Variants in RBAK observed in about 807,000 individuals in gnomAD.
RBAK encodes the protein RB associated KRAB zinc finger, also known as RB-associated KRAB zinc finger protein.
RBAK carries 39 observed loss-of-function variants against 65.8 expected under a neutral mutation model. The ratio of observed to expected loss-of-function variants is 0.59; its 90% CI spans 0.46 to 0.77. RBAK has a LOEUF of 0.77. Ranked by LOEUF, RBAK falls within the 30% of genes least tolerant of loss-of-function variation. The pLI, the probability that RBAK is intolerant of heterozygous loss-of-function variation, is 0.00. For synonymous variants in RBAK, 343 were observed against 289.7 expected (o/e 1.18, Z -1.87); for missense variants, 884 against 855.1 (o/e 1.03, Z -0.42).
rs1219789081 is a variant in RBAK at position 5,064,542 on chromosome 7, G to T, written c.1086G>T (p.Leu362=). ...KTFCQKTHLT[L]HQRNHSGERP... ...TCTGCCAAAAGACACATCTCACCCT[G>T]CACCAGAGGAATCATTCAGGAGAGA... The change falls in exon 5 of 5, where the codon CTG becomes CTT. Residue 362 remains leucine (L), a synonymous_variant. Coordinates refer to ENST00000396912, the MANE Select transcript of RBAK (RefSeq NM_021163.4). This position sits in a 1 kb window ranked among gnomAD's most constrained non-coding sequence, Gnocchi z 6.3. 6.2e-6 allele frequency: 10 copies of T among 1,613,582 alleles called. No homozygotes were observed. In the Admixed American group the frequency reaches 1.5e-4, roughly 24 times the overall value.
At chr7:5,061,498 C>T (rs1321518172) in intron 4 of RBAK, among the ~76,000 whole-genome samples, 1 of 148,856 alleles carries the variant, frequency 6.7e-6, no homozygotes, top group African/African-American at 2.5e-5. Context: ...TGCATGTTGC[C>T]CAGGCTGGTC....
At position 5,048,903 on chromosome 7, in the gene RBAK, A is replaced by G. The variant is rs1427201205; in HGVS notation, c.15+812A>G. On this transcript the variant is annotated intron_variant, in intron 2 of 4. Coordinates refer to ENST00000396912, the MANE Select transcript of RBAK (RefSeq NM_021163.4). This position sits in a 1 kb window ranked among gnomAD's most constrained non-coding sequence, Gnocchi z 4.4. ...CACTTTTAAACAACCACGTCTTGTG[A>G]TAAGTCACTGAGTGTCAGGAGAACA... Among the ~76,000 whole-genome samples the G allele has an allele frequency of 6.6e-6, 1 of 152,178 alleles. No homozygotes were observed. Among genetic ancestry groups the G allele is most frequent in the Non-Finnish European group, 1.5e-5 (1 of 68,034 alleles).
Position 5,064,712 on chromosome 7 carries a change from A to AT in RBAK, c.1257dup (p.Gln420SerfsTer13). On this transcript the variant is annotated frameshift_variant, in exon 5 of 5. Coordinates refer to ENST00000396912, the MANE Select transcript of RBAK (RefSeq NM_021163.4). LOFTEE classifies it high-confidence loss of function. The surrounding 1 kb of genome is among the most constrained non-coding windows in gnomAD (Gnocchi z 6.3). ...TACCGAAAGTCTACTCTGATTACAC[A>AT]TCAGAGAACACACACGGGAGAGAAG... 1 of 1,612,558 alleles carries AT rather than the reference A, an allele frequency of 6.2e-7. No homozygotes were observed. The highest frequency in any genetic ancestry group is 8.5e-7 in the Non-Finnish European group (1 of 1,178,776).
At chr7:5,061,118 A>G (rs1021430270) in intron 4 of RBAK, among the ~76,000 whole-genome samples, 2 of 152,216 alleles carry the variant, frequency 1.3e-5, no homozygotes, top group Non-Finnish European at 2.9e-5. Flanking sequence ...GCTCAACTTA[A>G]TGAGCATTTG....
chr7:5,067,802 G>T lies in RBAK; in HGVS notation c.*2201G>T, dbSNP rs910922539. On this transcript the variant is annotated 3_prime_UTR_variant, in exon 5 of 5. Transcript: ENST00000396912. ...GTGTATACCATCACCTGAGTTTTGA[G>T]AAAGGTGACATTGAAGTGTAGTGGG... 3.3e-5 allele frequency: 5 copies of T among 152,218 alleles called. No homozygotes were observed. Among genetic ancestry groups the T allele is most frequent in the African/African-American group, 1.2e-4 (5 of 41,468 alleles). The allele number at this position is 152,218 out of a possible 1,614,324, so 9.4% of individuals were successfully genotyped here. A position where few individuals can be genotyped will look rare whatever the true frequency, so the allele number is the denominator to read the frequency against.
In RBAK at chr7:5,067,182, A is replaced by G. The variant is rs749360886; in HGVS notation, c.*1581A>G. 1 of 152,194 alleles carries G rather than the reference A, an allele frequency of 6.6e-6. No individual in the cohort carries two copies. Among genetic ancestry groups the G allele is most frequent in the Non-Finnish European group, 1.5e-5 (1 of 68,006 alleles). 9.4% of individuals were successfully genotyped at this position (152,194 alleles called of 1,614,324 possible). A position where few individuals can be genotyped will look rare whatever the true frequency, so the allele number is the denominator to read the frequency against. On this transcript the variant is annotated 3_prime_UTR_variant, in exon 5 of 5. Coordinates refer to ENST00000396912, the MANE Select transcript of RBAK (RefSeq NM_021163.4). Reference sequence around the variant, plus strand: ...ATGATTTTATTCGGCATTGTTCAGAAGGACCTAACCAGAAAACTAATGCAA... The same window carrying G: ...ATGATTTTATTCGGCATTGTTCAGAGGGACCTAACCAGAAAACTAATGCAA...
rs1273313208 is a variant in RBAK at position 5,065,281 on chromosome 7, T to A, written c.1825T>A (p.Tyr609Asn). The change falls in exon 5 of 5, where the codon TAT (tyrosine) becomes AAT (asparagine). Residue 609 changes from tyrosine to asparagine, a missense_variant. Coordinates refer to ENST00000396912, the MANE Select transcript of RBAK (RefSeq NM_021163.4). The surrounding 1 kb of genome is among the most constrained non-coding windows in gnomAD (Gnocchi z 5.3). ...ECGKFFSQKS[Y>N]LTIHHRIHSG... ...TGGAAAATTCTTCTCTCAGAAATCA[T>A]ATCTCACTATACATCATCGAATTCA... The A allele has an allele frequency of 1.2e-6, 2 of 1,613,862 alleles. No homozygotes were observed. The highest frequency in any genetic ancestry group is 2.7e-5 in the African/African-American group (2 of 74,898).
intron 4 of RBAK, among the ~76,000 whole-genome samples, chr7:5,059,451 A>G (rs1180257934): frequency 6.6e-6 from 1 of 151,858 alleles, no homozygotes; most frequent in African/African-American, 2.4e-5. Context: ...CTCCCAAAGT[A>G]GCTGGGATTA....
intron 2 of RBAK, among the ~76,000 whole-genome samples, chr7:5,053,066 T>A (rs188760806): frequency 5.9e-5 from 9 of 152,340 alleles, no homozygotes; most frequent in Admixed American, 5.2e-4. Flanking sequence ...AGCCCAGTTA[T>A]CTTTTAAAAA....
At position 5,064,166 on chromosome 7, in the gene RBAK, A is replaced by C; in HGVS notation, c.710A>C (p.Asp237Ala). The change falls in exon 5 of 5, where the codon GAT becomes GCT. Residue 237 changes from aspartate (D) to alanine (A), a missense_variant. Physicochemically the swap from Asp to Ala is moderately radical, Grantham distance 126 (BLOSUM62 -2). Transcript: ENST00000396912. The surrounding 1 kb of genome is among the most constrained non-coding windows in gnomAD (Gnocchi z 6.3). The stretch of plus-strand genomic sequence containing the variant: ...GGGGAGAAGCCCTATGAGTGGAATG[A>C]TTCTGGACCAGACTTCATACAGATG... ...YIGEKPYEWN[D>A]SGPDFIQMSN... is the part of the protein sequence containing the mutation. 6.2e-7 allele frequency: 1 copy of C among 1,613,966 alleles called. No homozygotes were observed. Among genetic ancestry groups the C allele is most frequent in the Non-Finnish European group, 8.5e-7 (1 of 1,179,952 alleles).
At chr7:5,047,927 A>C in intron 1 of RBAK, 106 bp from the exon 2 acceptor site, 4 of 558,684 alleles carry the variant, frequency 7.2e-6, no homozygotes, top group East Asian at 3.1e-5. Context: ...GAGTGTTCAC[A>C]GGGTGTTAGC....
At chr7:5,051,113 G>A (rs932007508) in intron 2 of RBAK, among the ~76,000 whole-genome samples, 8 of 152,098 alleles carry the variant, frequency 5.3e-5, no homozygotes, top group African/African-American at 1.7e-4. Context: ...TGGTTTCTGA[G>A]TCCTTTTGAA....
rs774478324 is a variant in RBAK, at chr7:5,064,889, T to G, written c.1433T>G (p.Val478Gly). Residue 478 changes from valine (V) to glycine (G), a missense_variant, in exon 5 of 5, where the codon GTA becomes GGA. Val to Gly is a moderately radical substitution (Grantham distance 109). Transcript: ENST00000396912. The surrounding 1 kb of genome is among the most constrained non-coding windows in gnomAD (Gnocchi z 6.3). ...TCAGCCTTCATTAGACATCGGAAAG[T>G]ACACACAGAAGAGAAATCCCATGAA... The part of the protein sequence containing the change: ...LNSAFIRHRK[V>G]HTEEKSHECS... The G allele has an allele frequency of 2.5e-6, 4 of 1,613,822 alleles. No homozygotes were observed. The highest frequency in any genetic ancestry group is 3.4e-6 in the Non-Finnish European group (4 of 1,179,882).
rs1194073469 is a variant in RBAK, at chr7:5,064,659, T to C, written c.1203T>C (p.Tyr401=). Residue 401 remains tyrosine, a synonymous_variant, in exon 5 of 5, where the codon TAT becomes TAC. Transcript: ENST00000396912. This position sits in a 1 kb window ranked among gnomAD's most constrained non-coding sequence, Gnocchi z 6.3. ...HQRTHTGEKL[Y]KCNECGKSYY... is the part of the protein sequence containing the mutation. ...GAACTCACACGGGAGAGAAGCTTTA[T>C]AAATGTAATGAATGTGGGAAATCCT... 1.9e-6 allele frequency: 3 copies of C among 1,611,950 alleles called. No individual in the cohort carries two copies. The South Asian group carries it at 3.3e-5, about 18-fold the overall frequency.
intron 4 of RBAK, among the ~76,000 whole-genome samples, chr7:5,062,896 T>A (rs1212170402): frequency 3.9e-5 from 6 of 152,238 alleles, no homozygotes; most frequent in Non-Finnish European, 8.8e-5. Context: ...AGTTTAAGGT[T>A]ATCTCTCTTG....
At position 5,046,093 on chromosome 7, in the gene RBAK, G is replaced by A. The variant is rs369085898; in HGVS notation, c.-348G>A. On this transcript the variant is annotated 5_prime_UTR_variant, in exon 1 of 5. Coordinates refer to ENST00000396912, the MANE Select transcript of RBAK (RefSeq NM_021163.4). Reference sequence around the variant, plus strand: ...GGCGGCGCTGGGGCCAGAGGGGCCGGACGGGAGGTGGCGGAGGTGGCGGCG... The same window carrying A: ...GGCGGCGCTGGGGCCAGAGGGGCCGAACGGGAGGTGGCGGAGGTGGCGGCG... 1 of 312,616 alleles carries A rather than the reference G, an allele frequency of 3.2e-6. No homozygotes were observed. The highest frequency in any genetic ancestry group is 5.2e-5 in the Admixed American group (1 of 19,250). 19.4% of individuals were successfully genotyped at this position (312,616 alleles called of 1,614,324 possible). A position where few individuals can be genotyped will look rare whatever the true frequency, so the allele number is the denominator to read the frequency against.
intron 2 of RBAK, among the ~76,000 whole-genome samples, chr7:5,055,199 CT>C (rs1287149532): frequency 1.3e-5 from 2 of 151,372 alleles, no homozygotes; most frequent in African/African-American, 4.9e-5. Flanking sequence ...TAGTTTTTCC[CT>C]GTTAAGTAAA....
Position 5,063,759 on chromosome 7 carries a change from A to G in RBAK, c.303A>G (p.Gln101=). Residue 101 remains glutamine, a synonymous_variant, in exon 5 of 5, where the codon CAA becomes CAG. Transcript: ENST00000396912. ...IQENEDKHSR[Q]AACINSKTLT... is the part of the protein sequence containing the mutation. ...AAAACGAAGACAAACATTCAAGGCAAGCTGCTTGTATCAATAGCAAAACCC... is the reference window on the plus strand; with the variant it reads ...AAAACGAAGACAAACATTCAAGGCAGGCTGCTTGTATCAATAGCAAAACCC... 1 of 1,613,774 alleles carries G rather than the reference A, an allele frequency of 6.2e-7. No individual in the cohort carries two copies. The highest frequency in any genetic ancestry group is 1.1e-5 in the South Asian group (1 of 90,972).
intron 3 of RBAK, 72 bp from the exon 4 acceptor site, chr7:5,057,612 G>A (rs1182620499): frequency 6.2e-7 from 1 of 1,602,644 alleles, no homozygotes; most frequent in African/African-American, 1.3e-5. Context: ...TTATGAGGTG[G>A]CAACATCTTG....
Sources: allele counts gnomAD v4.1 joint callset (sites outside exome capture counted in the v4.1 genomes callset), GRCh38; gene constraint gnomAD v4.1.1; non-coding constraint Gnocchi (gnomAD v3.1); transcripts MANE v1.5; gene names NCBI Gene and HGNC (gene_info 2026-07-23, HGNC 2026-07-21).